The following BMP2K variants were observed in gnomAD, a reference collection of about 807,000 sequenced individuals.
The protein encoded by BMP2K is BMP-2-inducible protein kinase.
Under a neutral mutation model 116.0 loss-of-function variants are expected in BMP2K, and 74 were observed. The ratio of observed to expected loss-of-function variants is 0.64; its 90% CI spans 0.53 to 0.77. The LOEUF is 0.77. Among genes scored for constraint, BMP2K ranks in the 30% least tolerant of loss-of-function variants. The probability of loss-of-function intolerance (pLI) is 0.00; values close to 1 mark genes in which losing one functional copy is unlikely to be tolerated. For missense variants in BMP2K, 1,365 were observed against 1,403.6 expected, an observed-to-expected ratio of 0.97 and a Z score of 0.44; for synonymous variants, 486 against 502.5, an observed-to-expected ratio of 0.97 and a Z score of 0.44.
At chr4:78,844,676 T>C (rs1245488115) in intron 4 of BMP2K, among the ~76,000 whole-genome samples, 1 of 151,622 alleles carries the variant, frequency 6.6e-6, no homozygotes, top group African/African-American at 2.4e-5. Flanking sequence ...AGACATAGTA[T>C]ATTTTTGCTC....
At chr4:78,899,512 G>A (rs950465785) in intron 15 of BMP2K, among the ~76,000 whole-genome samples, 3 of 152,130 alleles carry the variant, frequency 2.0e-5, no homozygotes, top group African/African-American at 7.2e-5. Flanking sequence ...GTTCATGCCA[G>A]TTAGAAGAGA....
At chr4:78,866,217 T>C (rs1185033010) in intron 10 of BMP2K, among the ~76,000 whole-genome samples, 1 of 152,162 alleles carries the variant, frequency 6.6e-6, no homozygotes, top group African/African-American at 2.4e-5. Context: ...TCCTAAGCAT[T>C]ATGGTACAGT....
chr4:78,879,178 C>G (rs1255975787), intron 14 of BMP2K: 8 of 1,093,892 alleles, frequency 7.3e-6, no homozygotes, highest in Admixed American at 5.2e-5. Context: ...ATCTCTAAAA[C>G]ATGGAAAATT....
intron 7 of BMP2K, among the ~76,000 whole-genome samples, chr4:78,852,183 TG>T (rs2030240095): frequency 6.6e-6 from 1 of 151,816 alleles, no homozygotes; most frequent in Admixed American, 6.6e-5. Flanking sequence ...GGGAGTGGGG[TG>T]GGGTTATGTG....
intron 15 of BMP2K, 45 bp downstream of exon 15, chr4:78,887,329 C>A: frequency 7.5e-7 from 1 of 1,338,336 alleles, no homozygotes; most frequent in African/African-American, 1.4e-5. Context: ...ATAAAACACA[C>A]AAGAACAACA....
At chr4:78,826,967 G>C (rs1164937051) in intron 2 of BMP2K, among the ~76,000 whole-genome samples, 1 of 152,130 alleles carries the variant, frequency 6.6e-6, no homozygotes, top group Non-Finnish European at 1.5e-5. Flanking sequence ...ATATGAGTTT[G>C]GTTCCAGACC....
At chr4:78,816,709 A>G (rs1307341396) in intron 1 of BMP2K, among the ~76,000 whole-genome samples, 1 of 152,222 alleles carries the variant, frequency 6.6e-6, no homozygotes, top group African/African-American at 2.4e-5. Context: ...TTTACTTGTC[A>G]TGTCAAAGAA....
chr4:78,833,282 A>C (rs549824268), intron 2 of BMP2K, among the ~76,000 whole-genome samples: 5 of 152,218 alleles, frequency 3.3e-5, no homozygotes, highest in African/African-American at 1.2e-4. Flanking sequence ...TAAAAGTTCT[A>C]ATATTTTATT....
chr4:78,795,017 A>G (rs1728184316), intron 1 of BMP2K, among the ~76,000 whole-genome samples: 2 of 152,242 alleles, frequency 1.3e-5, no homozygotes, highest in Non-Finnish European at 2.9e-5. Flanking sequence ...TTCTTGGCTT[A>G]TGTAATCAGT....
At chr4:78,832,662 T>A (rs1473154035) in intron 2 of BMP2K, among the ~76,000 whole-genome samples, 1 of 152,080 alleles carries the variant, frequency 6.6e-6, no homozygotes, top group Non-Finnish European at 1.5e-5. Context: ...CTTTCTTCCT[T>A]TCAATAGAAT....
At chr4:78,789,151 A>G (rs1472667067) in intron 1 of BMP2K, among the ~76,000 whole-genome samples, 1 of 152,106 alleles carries the variant, frequency 6.6e-6, no homozygotes, top group Non-Finnish European at 1.5e-5. Flanking sequence ...TGAAAATGCT[A>G]GTGCTTCATT....
intron 7 of BMP2K, among the ~76,000 whole-genome samples, chr4:78,854,133 A>G (rs1356683027): frequency 6.7e-6 from 1 of 148,830 alleles, no homozygotes; most frequent in Non-Finnish European, 1.5e-5. Context: ...TATTTTGTGC[A>G]GTAAGGTAAT....
At chr4:78,809,426 G>A (rs1157078506) in intron 1 of BMP2K, among the ~76,000 whole-genome samples, 11 of 151,676 alleles carry the variant, frequency 7.3e-5, no homozygotes, top group African/African-American at 2.7e-4. Flanking sequence ...CACCCAGGCT[G>A]GAGTGCAGTG....
chr4:78,811,459 A>T (rs1437169889), intron 1 of BMP2K, among the ~76,000 whole-genome samples: 1 of 152,244 alleles, frequency 6.6e-6, no homozygotes, highest in African/African-American at 2.4e-5. Flanking sequence ...TTGTAAATGA[A>T]AACAAGTCTA....
chr4:78,891,859 A>C (rs1036383587), intron 15 of BMP2K, among the ~76,000 whole-genome samples: 1 of 152,188 alleles, frequency 6.6e-6, no homozygotes, highest in African/African-American at 2.4e-5. Flanking sequence ...GGCTTGAGAA[A>C]TCCTTTAGTT....
At chr4:78,823,830 C>T (rs1729751242) in intron 1 of BMP2K, among the ~76,000 whole-genome samples, 2 of 152,114 alleles carry the variant, frequency 1.3e-5, no homozygotes, top group African/African-American at 4.8e-5. Context: ...AGATAAATGT[C>T]TCAAAACAAA....
intron 10 of BMP2K, among the ~76,000 whole-genome samples, chr4:78,870,427 G>A (rs1394730605): frequency 6.6e-6 from 1 of 152,188 alleles, no homozygotes; most frequent in Non-Finnish European, 1.5e-5. Context: ...GGTGGAAAGT[G>A]GCATTCTAGA....
chr4:78,878,720 A>C lies in BMP2K; in HGVS notation c.1794-14A>C. 1 of 1,566,510 alleles carries C rather than the reference A, an allele frequency of 6.4e-7. No individual in the cohort carries two copies. The highest frequency in any genetic ancestry group is 8.6e-7 in the Non-Finnish European group (1 of 1,159,724). On this transcript the variant is annotated splice_polypyrimidine_tract_variant and intron_variant, in intron 13 of 15. Transcript: ENST00000502613. ...CTTTCCATCTTCTTTTTTCTTACTCAATTATTACTATAGGTCAGTTGCTGA... is the reference window on the plus strand; with the variant it reads ...CTTTCCATCTTCTTTTTTCTTACTCCATTATTACTATAGGTCAGTTGCTGA...
At chr4:78,789,713 A>C (rs1026379660) in intron 1 of BMP2K, among the ~76,000 whole-genome samples, 1 of 152,230 alleles carries the variant, frequency 6.6e-6, no homozygotes, top group Non-Finnish European at 1.5e-5. Context: ...CTCCCAGGTT[A>C]GTCTGTTCTC....
Sources: gnomAD v4.1 joint callset for allele counts (sites outside exome capture counted in the v4.1 genomes callset) on GRCh38, gnomAD v4.1.1 for gene constraint, MANE v1.5 for transcripts, NCBI Gene and HGNC (gene_info 2026-07-23, HGNC 2026-07-21) for gene names.